POTEE: variants seen among roughly 807,000 people sequenced by gnomAD.
POTEE encodes the protein ANKRD26-like family C member 1A.
In POTEE, 21 loss-of-function variants were observed where a neutral mutation model predicts 74.2. That is an observed-to-expected ratio of 0.28 (90% CI 0.20 to 0.41). POTEE has a LOEUF of 0.41. POTEE is among the 10% of genes least tolerant of loss of function. POTEE has a pLI of 1.00. For missense variants in POTEE, 525 were observed against 1,158.6 expected (o/e 0.45, Z 7.94); for synonymous variants, 211 against 432.8 (o/e 0.49, Z 6.36).
intron 4 of POTEE, among the ~76,000 whole-genome samples, chr2:131,222,830 A>G (rs377490262): frequency 1.3e-4 from 20 of 151,758 alleles, no homozygotes; most frequent in African/African-American, 4.6e-4. Flanking sequence ...CTTATTCCAT[A>G]GTTCTTTTAA....
intron 6 of POTEE, among the ~76,000 whole-genome samples, chr2:131,224,519 C>T (rs1339629820): frequency 1.4e-5 from 2 of 145,952 alleles, no homozygotes; most frequent in East Asian, 4.0e-4. Context: ...TCTGATTGCT[C>T]ATGAGCCAGA....
intron 1 of POTEE, among the ~76,000 whole-genome samples, chr2:131,210,660 C>T (rs2105055166): frequency 6.6e-6 from 1 of 151,322 alleles, no homozygotes; most frequent in Non-Finnish European, 1.5e-5. Flanking sequence ...CCACCTGGGA[C>T]TACCGGGTGG....
rs773996889 is a variant in POTEE at position 131,226,897 on chromosome 2, A to G, written c.885A>G (p.Lys295=). Residue 295 remains lysine (K), a synonymous_variant, in exon 7 of 18, where the codon AAA becomes AAG. Transcript: ENST00000683005. ...TCGTGAAATTTTTAATCAAGAAAAA[A>G]GCGAATTTAAATGCACTGGATAGAT... ...QQVVKFLIKK[K]ANLNALDRYG... 1.2e-6 allele frequency: 2 copies of G among 1,611,772 alleles called. No homozygotes were observed. The highest frequency in any genetic ancestry group is 2.2e-5 in the East Asian group (1 of 44,872).
At chr2:131,217,139 TC>T (rs1403152512) in intron 2 of POTEE, among the ~76,000 whole-genome samples, 1 of 143,032 alleles carries the variant, frequency 7.0e-6, no homozygotes, top group Non-Finnish European at 1.5e-5. Flanking sequence ...AACAAAAAGT[TC>T]TTCATTTTAT....
chr2:131,232,755 C>T (rs1397457076), intron 9 of POTEE, among the ~76,000 whole-genome samples: 1 of 151,660 alleles, frequency 6.6e-6, no homozygotes, highest in African/African-American at 2.4e-5. Flanking sequence ...CCTCTTTCAG[C>T]TGTGCTGTTG....
intron 4 of POTEE, among the ~76,000 whole-genome samples, chr2:131,219,749 A>G (rs1700558175): frequency 6.6e-6 from 1 of 152,012 alleles, no homozygotes; most frequent in East Asian, 1.9e-4. Context: ...AAAAAAAAAA[A>G]AAAGATGGGA....
chr2:131,218,063 C>T (rs1387336526), intron 3 of POTEE: 9 of 416,802 alleles, frequency 2.2e-5, no homozygotes, highest in African/African-American at 1.8e-4. Context: ...CTCTCGTGTT[C>T]CTTTGCTGGG....
chr2:131,210,071 T>G (rs1700324881), intron 1 of POTEE, among the ~76,000 whole-genome samples: 1 of 131,502 alleles, frequency 7.6e-6, no homozygotes, highest in African/African-American at 3.1e-5. Context: ...GGGGAGGGGT[T>G]AGGGGCACTA....
intron 9 of POTEE, among the ~76,000 whole-genome samples, chr2:131,231,789 G>A (rs1469131100): frequency 6.7e-6 from 1 of 150,208 alleles, no homozygotes; most frequent in African/African-American, 2.5e-5. Context: ...GCAGAAAAAC[G>A]TTTCACACTA....
chr2:131,216,845 A>G (rs1392903865), intron 2 of POTEE, among the ~76,000 whole-genome samples: 1 of 151,646 alleles, frequency 6.6e-6, no homozygotes, highest in Non-Finnish European at 1.5e-5. Context: ...AATGTCCAGA[A>G]TAGGCAAATC....
chr2:131,222,412 G>T (rs1241563875), intron 4 of POTEE, among the ~76,000 whole-genome samples: 33 of 151,732 alleles, frequency 2.2e-4, no homozygotes, highest in Non-Finnish European at 1.2e-4. Flanking sequence ...CTATTACAGG[G>T]TGAAGGGTGG....
intron 2 of POTEE, among the ~76,000 whole-genome samples, chr2:131,211,482 G>A (rs955450655): frequency 1.7e-5 from 2 of 118,114 alleles, no homozygotes; most frequent in African/African-American, 3.0e-5. Context: ...GGCATGAGTG[G>A]CAGCATTGTC....
chr2:131,218,725 G>A lies in POTEE; in HGVS notation c.323G>A (p.Cys108Tyr). Residue 108 changes from cysteine to tyrosine, a missense_variant, in exon 4 of 18, where the codon TGC becomes TAC. Physicochemically the swap from Cys to Tyr is radical, Grantham distance 194. Transcript: ENST00000683005. ...MGKWCCHCFP[C>Y]CRGSGKSKVG... is the part of the protein sequence containing the mutation. ...AAGTGGTGCTGCCACTGCTTCCCCT[G>A]CTGCAGGGGGAGCGGCAAGAGCAAG... The A allele has an allele frequency of 6.3e-7, 1 of 1,576,696 alleles. No individual in the cohort carries two copies. The highest frequency in any genetic ancestry group is 8.7e-7 in the Non-Finnish European group (1 of 1,154,766).
intron 1 of POTEE, among the ~76,000 whole-genome samples, 61 bp downstream of exon 1, chr2:131,209,880 GCTCA>G (rs1700318705): frequency 6.6e-6 from 1 of 151,472 alleles, no homozygotes; most frequent in Non-Finnish European, 1.5e-5. Context: ...TCCTATTGGG[GCTCA>G]CTGCCCGAGG....
intron 10 of POTEE, among the ~76,000 whole-genome samples, chr2:131,237,980 A>G (rs1400106360): frequency 6.6e-6 from 1 of 152,200 alleles, no homozygotes; most frequent in Non-Finnish European, 1.5e-5. Context: ...AGAAGCCAGT[A>G]ATGTGGCAGT....
At chr2:131,219,020 C>G in intron 4 of POTEE, 97 bp downstream of exon 4, 1 of 1,567,096 alleles carries the variant, frequency 6.4e-7, no homozygotes. Flanking sequence ...TTCTCGCCTC[C>G]GCAGGCCTCA....
At chr2:131,226,109 G>A (rs563084057) in intron 6 of POTEE, among the ~76,000 whole-genome samples, 1 of 152,158 alleles carries the variant, frequency 6.6e-6, no homozygotes, top group South Asian at 2.1e-4. Flanking sequence ...TTTGTCAATT[G>A]ACGCTGTATT....
chr2:131,236,335 T>C (rs1701132506), intron 9 of POTEE, among the ~76,000 whole-genome samples: 1 of 152,100 alleles, frequency 6.6e-6, no homozygotes, highest in South Asian at 2.1e-4. Context: ...TGGGCCCTGC[T>C]TGTTACTATC....
intron 8 of POTEE, among the ~76,000 whole-genome samples, chr2:131,229,353 A>C (rs577077040): frequency 0.026 from 3,847 of 150,204 alleles, 146 homozygotes; most frequent in African/African-American, 0.09. Flanking sequence ...AACCCAGTAG[A>C]AAGTCCCATA....
Sources: gnomAD v4.1 joint callset for allele counts (sites outside exome capture counted in the v4.1 genomes callset) on GRCh38, gnomAD v4.1.1 for gene constraint, MANE v1.5 for transcripts, NCBI Gene and HGNC (gene_info 2026-07-23, HGNC 2026-07-21) for gene names.